Variants in TG observed in about 807,000 individuals in gnomAD.
TG encodes thyroid hormones.
Under a neutral mutation model 324.7 loss-of-function variants are expected in TG, and 270 were observed. The ratio of observed to expected loss-of-function variants is 0.83; its 90% CI spans 0.75 to 0.92. TG has a LOEUF of 0.92. TG is among the 40% of genes least tolerant of loss of function. The pLI, the probability that TG is intolerant of heterozygous loss-of-function variation, is 0.00. For missense variants in TG, 3,591 were observed against 3,456.4 expected (o/e 1.04, Z -0.98); for synonymous variants, 1,401 against 1,327.0 (o/e 1.06, Z -1.21).
intron 25 of TG, among the ~76,000 whole-genome samples, chr8:132,937,460 T>G (rs1289713451): frequency 6.6e-6 from 1 of 152,234 alleles, no homozygotes; most frequent in Non-Finnish European, 1.5e-5. Context: ...GATTGGAATC[T>G]GGCAGAGCTC....
At chr8:133,038,221 T>C (rs956671857) in intron 41 of TG, 3 of 383,890 alleles carry the variant, frequency 7.8e-6, no homozygotes, top group South Asian at 7.7e-5. Context: ...CTTGTGAGAG[T>C]GGCTTTGTCC....
At chr8:133,025,983 G>A (rs1325487604) in intron 40 of TG, among the ~76,000 whole-genome samples, 3 of 152,144 alleles carry the variant, frequency 2.0e-5, no homozygotes, top group Non-Finnish European at 4.4e-5. Context: ...GGCGTCTCAC[G>A]TGAGATGAAG....
At chr8:132,958,324 G>A (rs74323696) in intron 27 of TG, among the ~76,000 whole-genome samples, 12,561 of 152,026 alleles carry the variant, frequency 0.083, 564 homozygotes, top group South Asian at 0.15. Flanking sequence ...CTCTCTATAT[G>A]TATCTACATA....
chr8:133,104,190 G>A (rs59634498), intron 43 of TG, among the ~76,000 whole-genome samples: 37,972 of 151,986 alleles, frequency 0.25, 4,914 homozygotes, highest in South Asian at 0.3. Context: ...TGGAGGGACT[G>A]GGAGGAGAGG....
At chr8:133,122,894 A>C (rs532779343) in intron 45 of TG, among the ~76,000 whole-genome samples, 6 of 152,242 alleles carry the variant, frequency 3.9e-5, no homozygotes, top group Non-Finnish European at 7.4e-5. Flanking sequence ...CTGTCTCTGG[A>C]GCCCTCTGTT....
In TG at chr8:133,131,924, T is replaced by G. The variant is rs2130402663; in HGVS notation, c.7975T>G (p.Phe2659Val). ...CCTGTCGCTGAAAATCATGCAGTAC[T>G]TTTCCCACTTCATCAGATCAGGGTA... Reference protein sequence around the residue: ...KSLSLKIMQYFSHFIRSGNPN... With the variant: ...KSLSLKIMQYVSHFIRSGNPN... Residue 2659 changes from phenylalanine (F) to valine (V), a missense_variant, in exon 46 of 48, where the codon TTT becomes GTT. By Grantham distance (50) the Phe-to-Val change is conservative. Transcript: ENST00000220616. The G allele has an allele frequency of 6.2e-7, 1 of 1,614,148 alleles. No individual in the cohort carries two copies. The highest frequency in any genetic ancestry group is 2.2e-5 in the East Asian group (1 of 44,866).
At chr8:133,106,355 G>A (rs1291586845) in intron 43 of TG, 5 of 963,830 alleles carry the variant, frequency 5.2e-6, no homozygotes, top group Non-Finnish European at 6.2e-6. Context: ...CAGTGCCTGG[G>A]GCCAATGCAA....
At chr8:132,890,157 T>A (rs1374774914) in intron 10 of TG, among the ~76,000 whole-genome samples, 1 of 152,034 alleles carries the variant, frequency 6.6e-6, no homozygotes, top group African/African-American at 2.4e-5. Context: ...AGAGACTGGA[T>A]ACAAGATCAT....
intron 44 of TG, among the ~76,000 whole-genome samples, chr8:133,113,938 T>G (rs963819184): frequency 6.6e-6 from 1 of 152,220 alleles, no homozygotes; most frequent in African/African-American, 2.4e-5. Flanking sequence ...AAGCAGCCGC[T>G]CAGCAAATGC....
At chr8:132,965,760 G>A (rs540309013) in intron 29 of TG, among the ~76,000 whole-genome samples, 13 of 152,246 alleles carry the variant, frequency 8.5e-5, no homozygotes, top group Non-Finnish European at 5.9e-5. Flanking sequence ...AGCCAACAGA[G>A]GGAAGAGCAT....
chr8:132,897,408 T>C (rs1200893232), intron 11 of TG, among the ~76,000 whole-genome samples: 1 of 152,254 alleles, frequency 6.6e-6, no homozygotes, highest in African/African-American at 2.4e-5. Context: ...GAAGTTATTG[T>C]AGAGGTCTAC....
At chr8:133,050,738 C>T (rs2252805) in intron 41 of TG, 530,728 of 956,210 alleles carry the variant, frequency 0.56, 153,140 homozygotes, top group African/African-American at 0.81. Flanking sequence ...ACCACTCTAG[C>T]TAACAATCAA....
chr8:132,932,100 T>C (rs1822803119), intron 23 of TG, among the ~76,000 whole-genome samples: 1 of 137,632 alleles, frequency 7.3e-6, no homozygotes, highest in Non-Finnish European at 1.6e-5. Flanking sequence ...TCTCAAAAAA[T>C]ATTTTAAAAC....
chr8:132,917,073 CCTTCCTTCCTTCCCTTA>C (rs1820431641), intron 20 of TG, among the ~76,000 whole-genome samples: 1 of 135,228 alleles, frequency 7.4e-6, no homozygotes, highest in Admixed American at 8.1e-5. Flanking sequence ...TTCCTTCCTT[CCTTCCTTCCTTCCCTTA>C]CTTCCTTTTT....
intron 36 of TG, 145 bp from the exon 37 acceptor site, chr8:133,013,455 A>T (rs938605459): frequency 9.2e-6 from 9 of 979,602 alleles, no homozygotes; most frequent in Non-Finnish European, 1.4e-5. Context: ...GGATAGACGG[A>T]TGGATTCATG....
intron 22 of TG, 27 bp from the exon 23 acceptor site, chr8:132,929,049 G>A (rs775103360): frequency 3.1e-6 from 5 of 1,601,848 alleles, no homozygotes; most frequent in Non-Finnish European, 4.3e-6. Flanking sequence ...TTCTGAGTCA[G>A]ATTTACTAAA....
chr8:132,983,143 C>T (rs972449442), intron 34 of TG, among the ~76,000 whole-genome samples: 3 of 152,090 alleles, frequency 2.0e-5, no homozygotes, highest in Non-Finnish European at 4.4e-5. Context: ...GGAGAGGGAT[C>T]CTGAACTGTT....
intron 16 of TG, among the ~76,000 whole-genome samples, chr8:132,902,354 T>G (rs1054800535): frequency 9.2e-5 from 14 of 152,176 alleles, no homozygotes; most frequent in Admixed American, 1.3e-4. Context: ...TAATTGGGTC[T>G]AGTGATACTT....
At chr8:133,030,100 C>G in intron 41 of TG, 77 bp downstream of exon 41, 3 of 1,576,654 alleles carry the variant, frequency 1.9e-6, no homozygotes, top group Non-Finnish European at 2.6e-6. Flanking sequence ...CTGCAAAAGT[C>G]TAGTTGGCTT....
Sources: gnomAD v4.1 joint callset for allele counts (sites outside exome capture counted in the v4.1 genomes callset) on GRCh38, gnomAD v4.1.1 for gene constraint, MANE v1.5 for transcripts, NCBI Gene and HGNC (gene_info 2026-07-23, HGNC 2026-07-21) for gene names.